The following SLC7A5 variants were observed in gnomAD, a reference collection of about 807,000 sequenced individuals.
SLC7A5 encodes large neutral amino acids transporter small subunit 1.
SLC7A5 carries 23 observed loss-of-function variants against 50.2 expected under a neutral mutation model. The observed-to-expected ratio is 0.46, with a 90% CI of 0.33 to 0.65. SLC7A5 has a LOEUF of 0.65. SLC7A5 is among the 30% of genes least tolerant of loss of function. The pLI, the probability that SLC7A5 is intolerant of heterozygous loss-of-function variation, is 0.02. For missense variants in SLC7A5, 578 were observed against 684.4 expected (o/e 0.84, Z 1.73); for synonymous variants, 393 against 330.6 (o/e 1.19, Z -2.05).
chr16:87,840,533 G>A (rs536863466), intron 3 of SLC7A5, 60 bp from the exon 4 acceptor site: 118 of 1,410,434 alleles, frequency 8.4e-5, no homozygotes, highest in African/African-American at 1.7e-4. Flanking sequence ...ATAAATCACC[G>A]GGGAGAGAGC....
chr16:87,843,028 C>T (rs963769337), intron 2 of SLC7A5, among the ~76,000 whole-genome samples: 3 of 152,126 alleles, frequency 2.0e-5, no homozygotes, highest in African/African-American at 7.2e-5. Context: ...TGCCAGGCTG[C>T]TTGAGAATCA....
chr16:87,867,980 A>G (rs1374498189), intron 1 of SLC7A5, among the ~76,000 whole-genome samples: 1 of 151,886 alleles, frequency 6.6e-6, no homozygotes, highest in Admixed American at 6.6e-5. Context: ...ACCCGGGCGT[A>G]GTGGCGGGCA....
rs372381277 is a variant in SLC7A5, at chr16:87,861,985, C to T, written c.538+6900G>A. On this transcript the variant is annotated intron_variant, in intron 1 of 9. Transcript: ENST00000261622. The surrounding 1 kb of genome is among the most constrained non-coding windows in gnomAD (Gnocchi z 4.2). The stretch of plus-strand genomic sequence containing the variant: ...CCACGGCTTGAGCTCTGGGGCCCAC[C>T]CAGCTCCTTAAACACGCAGAACCTT... 1.2e-4 allele frequency among the ~76,000 whole-genome samples: 18 copies of T among 152,332 alleles called. No homozygotes were observed. The highest frequency in any genetic ancestry group is 4.1e-4 in the African/African-American group (17 of 41,570).
intron 1 of SLC7A5, among the ~76,000 whole-genome samples, chr16:87,867,000 C>G (rs1007984465): frequency 2.6e-5 from 4 of 151,678 alleles, no homozygotes; most frequent in African/African-American, 9.7e-5. Context: ...GGCGGGATCT[C>G]AACTCACTGC....
intron 2 of SLC7A5, among the ~76,000 whole-genome samples, chr16:87,847,148 CAGA>C (rs2055164017): frequency 6.6e-6 from 1 of 152,190 alleles, no homozygotes; most frequent in South Asian, 2.1e-4. Context: ...AAGCCAGGCC[CAGA>C]AGAAGGAACA....
chr16:87,848,430 A>G (rs1180234486), intron 2 of SLC7A5, among the ~76,000 whole-genome samples: 4 of 152,192 alleles, frequency 2.6e-5, no homozygotes, highest in Non-Finnish European at 4.4e-5. Flanking sequence ...TCCTTAGGCA[A>G]CAGCCTGCGA....
At chr16:87,848,389 C>T (rs951802940) in intron 2 of SLC7A5, among the ~76,000 whole-genome samples, 21 of 152,250 alleles carry the variant, frequency 1.4e-4, no homozygotes, top group African/African-American at 5.1e-4. Flanking sequence ...CTCCCACCCT[C>T]CGCCCTGCAG....
Position 87,869,332 on chromosome 16 carries a change from T to G in SLC7A5, c.91A>C (p.Ser31Arg), listed in dbSNP as rs370676920. 12 of 1,609,622 alleles carry G rather than the reference T, an allele frequency of 7.5e-6. No individual in the cohort carries two copies. Among genetic ancestry groups the G allele is most frequent in the African/African-American group, 6.7e-5 (5 of 74,608 alleles). ...CCTGCCGGCGCCGAGCCGTCCGCGC[T>G]CTTGGCGGCCAGCATCTTCTCCCGC... ...EAREKMLAAK[S>R]ADGSAPAGEG... The change falls in exon 1 of 10, where the codon AGC becomes CGC. Residue 31 changes from serine (S) to arginine (R), a missense_variant. Physicochemically the swap from Ser to Arg is moderately radical, Grantham distance 110. Around this residue, in one of 2 missense-constraint regions of SLC7A5, gnomAD observed 113 missense variants for 89.8 expected, o/e 1.26. Transcript: ENST00000261622.
rs768041859 is a variant in SLC7A5, at chr16:87,836,465, G to A, written c.1290+33C>T. 6.9e-6 allele frequency: 11 copies of A among 1,604,046 alleles called. No individual in the cohort carries two copies. The East Asian group carries it at 2.0e-4, about 29-fold the overall frequency. On this transcript the variant is annotated intron_variant, in intron 8 of 9. Transcript: ENST00000261622. ...ACCCACGGACCCTGCCTCTGTGAAG[G>A]GTGCCTGGGTGAGCGGGAGGCCCCG...
chr16:87,847,185 G>A (rs1009509291), intron 2 of SLC7A5, among the ~76,000 whole-genome samples: 3 of 152,192 alleles, frequency 2.0e-5, no homozygotes, highest in South Asian at 2.1e-4. Context: ...GCCCAGGGGG[G>A]CTTCTCAGTC....
At chr16:87,856,119 G>T (rs1226010613) in intron 1 of SLC7A5, among the ~76,000 whole-genome samples, 1 of 152,172 alleles carries the variant, frequency 6.6e-6, no homozygotes, top group African/African-American at 2.4e-5. Flanking sequence ...GTCCAGCCCA[G>T]GCAGGCATCC....
rs543716508 is a variant in SLC7A5 at position 87,853,358 on chromosome 16, C to T, written c.539-1509G>A. Among the ~76,000 whole-genome samples, 191 of 152,314 alleles carry T rather than the reference C, an allele frequency of 1.3e-3. 2 individuals are homozygous for T. Among genetic ancestry groups the T allele is most frequent in the African/African-American group, 4.3e-3 (180 of 41,560 alleles). On this transcript the variant is annotated intron_variant, in intron 1 of 9. Coordinates refer to ENST00000261622, the MANE Select transcript of SLC7A5 (RefSeq NM_003486.7). This position sits in a 1 kb window ranked among gnomAD's most constrained non-coding sequence, Gnocchi z 4.4. ...AATTCTGTGGATGCCAGAGCGGAGA[C>T]GGCTACTACACACCAGGAAAGTCTG...
intron 2 of SLC7A5, among the ~76,000 whole-genome samples, chr16:87,848,505 C>G (rs2143771292): frequency 6.6e-6 from 1 of 152,342 alleles, no homozygotes; most frequent in Non-Finnish European, 1.5e-5. Context: ...TTCGAAAAGG[C>G]TGGGACTAAC....
intron 1 of SLC7A5, among the ~76,000 whole-genome samples, chr16:87,856,429 C>T (rs906889755): frequency 1.3e-5 from 2 of 152,216 alleles, no homozygotes; most frequent in African/African-American, 4.8e-5. Flanking sequence ...CCCCAGGGTG[C>T]ACCGGGCACA....
At position 87,841,818 on chromosome 16, in the gene SLC7A5, G is replaced by A. The variant is rs963486576; in HGVS notation, c.665-663C>T. ...ACACGCGTCACTGGACTTCGTGACT[G>A]CTCCACCCTATTCCAGAAGGACCTC... On this transcript the variant is annotated intron_variant, in intron 2 of 9. Transcript: ENST00000261622. The surrounding 1 kb of genome is among the most constrained non-coding windows in gnomAD (Gnocchi z 4.8). 2.0e-5 allele frequency among the ~76,000 whole-genome samples: 3 copies of A among 152,232 alleles called. No homozygotes were observed. The highest frequency in any genetic ancestry group is 7.2e-5 in the African/African-American group (3 of 41,454).
intron 2 of SLC7A5, among the ~76,000 whole-genome samples, chr16:87,850,317 TG>T (rs1317250836): frequency 6.6e-6 from 1 of 152,142 alleles, no homozygotes; most frequent in Non-Finnish European, 1.5e-5. Context: ...TCCTTGTGTC[TG>T]CATGTTTTGG....
chr16:87,856,756 C>T (rs1197390926), intron 1 of SLC7A5, among the ~76,000 whole-genome samples: 1 of 152,230 alleles, frequency 6.6e-6, no homozygotes, highest in Non-Finnish European at 1.5e-5. Context: ...TAAATATCCC[C>T]TGCTCTGAGT....
At chr16:87,866,185 C>A (rs377011337) in intron 1 of SLC7A5, among the ~76,000 whole-genome samples, 4 of 152,118 alleles carry the variant, frequency 2.6e-5, no homozygotes, top group African/African-American at 9.6e-5. Flanking sequence ...CTGCGTACTG[C>A]CTGGGAACAT....
intron 2 of SLC7A5, among the ~76,000 whole-genome samples, chr16:87,848,974 C>G (rs980740876): frequency 6.6e-6 from 1 of 152,226 alleles, no homozygotes; most frequent in Non-Finnish European, 1.5e-5. Context: ...CAGGGCCCAC[C>G]TGGGGGCCAA....
Sources: allele counts gnomAD v4.1 joint callset (sites outside exome capture counted in the v4.1 genomes callset), GRCh38; gene constraint gnomAD v4.1.1; regional missense constraint gnomAD v4.1.1; non-coding constraint Gnocchi (gnomAD v3.1); transcripts MANE v1.5; gene names NCBI Gene and HGNC (gene_info 2026-07-23, HGNC 2026-07-21).